The following MED13L variants were observed in gnomAD, a reference collection of about 807,000 sequenced individuals.
The protein encoded by MED13L is mediator of RNA polymerase II transcription subunit 13-like.
In MED13L, 7 loss-of-function variants were observed where a neutral mutation model predicts 220.9. That is an observed-to-expected ratio of 0.03 (90% confidence interval 0.02 to 0.06). The LOEUF is 0.06. Ranked by LOEUF, MED13L falls within the 10% of genes least tolerant of loss-of-function variation. MED13L has a pLI of 1.00. For synonymous variants in MED13L, 1,011 were observed against 1,015.2 expected (o/e 1.00, Z 0.08); for missense variants, 1,965 against 2,760.5 (o/e 0.71, Z 6.46).
chr12:116,015,783 A>C (rs1370834474), intron 7 of MED13L, among the ~76,000 whole-genome samples: 1 of 152,208 alleles, frequency 6.6e-6, no homozygotes, highest in Non-Finnish European at 1.5e-5. Flanking sequence ...GTAATGGCAC[A>C]AAGCTTTTAA....
At chr12:116,155,948 C>T (rs183899157) in intron 2 of MED13L, among the ~76,000 whole-genome samples, 5 of 151,972 alleles carry the variant, frequency 3.3e-5, no homozygotes, top group African/African-American at 1.2e-4. Context: ...TAGAAAATAT[C>T]ATTTCCATTA....
intron 2 of MED13L, among the ~76,000 whole-genome samples, chr12:116,175,989 T>G (rs1381264558): frequency 6.6e-6 from 1 of 152,142 alleles, no homozygotes; most frequent in Non-Finnish European, 1.5e-5. Flanking sequence ...TGGCTAGAGA[T>G]GGTATCAAAA....
chr12:116,155,759 TAAC>T (rs2138112249), intron 2 of MED13L, among the ~76,000 whole-genome samples: 1 of 152,286 alleles, frequency 6.6e-6, no homozygotes, highest in Non-Finnish European at 1.5e-5. Flanking sequence ...GTTAATATAT[TAAC>T]TATTCTTTGC....
At chr12:116,201,196 G>GACTT (rs1565925485) in intron 2 of MED13L, among the ~76,000 whole-genome samples, 4 of 152,092 alleles carry the variant, frequency 2.6e-5, no homozygotes, top group Admixed American at 2.6e-4. Context: ...TTTCTTTAAA[G>GACTT]TCCTCTATCC....
At chr12:116,145,008 C>T (rs1877360418) in intron 2 of MED13L, among the ~76,000 whole-genome samples, 1 of 152,202 alleles carries the variant, frequency 6.6e-6, no homozygotes, top group Admixed American at 6.5e-5. Context: ...TACGCACATA[C>T]TCTGTTGTCA....
intron 4 of MED13L, among the ~76,000 whole-genome samples, chr12:116,041,554 C>A (rs1003754198): frequency 1.4e-4 from 21 of 152,142 alleles, no homozygotes; most frequent in African/African-American, 5.1e-4. Flanking sequence ...TAAAGTAAAA[C>A]ATATGCAAGG....
intron 2 of MED13L, among the ~76,000 whole-genome samples, chr12:116,228,412 G>A (rs1869218459): frequency 6.6e-6 from 1 of 152,102 alleles, no homozygotes; most frequent in African/African-American, 2.4e-5. Context: ...GAACTCTTGG[G>A]CTCAAGTAAT....
chr12:115,995,746 G>C (rs1878358591), intron 16 of MED13L, among the ~76,000 whole-genome samples: 1 of 152,044 alleles, frequency 6.6e-6, no homozygotes, highest in Non-Finnish European at 1.5e-5. Context: ...AACATATTCA[G>C]AACACTTACA....
At chr12:116,078,073 G>A (rs1016773446) in intron 4 of MED13L, among the ~76,000 whole-genome samples, 2 of 149,146 alleles carry the variant, frequency 1.3e-5, no homozygotes, top group Non-Finnish European at 3.0e-5. Flanking sequence ...GAACCCGGGA[G>A]TCAGAGGTTG....
intron 4 of MED13L, among the ~76,000 whole-genome samples, chr12:116,071,649 A>G (rs1232023285): frequency 6.6e-6 from 1 of 152,226 alleles, no homozygotes; most frequent in Non-Finnish European, 1.5e-5. Flanking sequence ...AACCTCAAAC[A>G]ATATTTTCAT....
chr12:116,008,629 A>G lies in MED13L; in HGVS notation c.1784T>C (p.Leu595Pro), dbSNP rs750811062. 6.2e-7 allele frequency: 1 copy of G among 1,614,124 alleles called. No homozygotes were observed. The highest frequency in any genetic ancestry group is 1.7e-5 in the Admixed American group (1 of 60,014). ...GCCTACGAGGACAGTTCTGTCATCC[A>G]GAGTAGACAACTGCTGGAGTTCTAG... is the stretch of plus-strand genomic sequence containing the variant. ...NGLELQQLST[L>P]DDRTVLVGQR... is the part of the protein sequence containing the mutation. Residue 595 changes from leucine to proline, a missense_variant, in exon 10 of 31, where the codon CTG becomes CCG. By Grantham distance (98) the Leu-to-Pro change is moderately conservative. Transcript: ENST00000281928.
intron 4 of MED13L, among the ~76,000 whole-genome samples, chr12:116,027,794 A>C (rs1880492679): frequency 6.6e-6 from 1 of 152,224 alleles, no homozygotes. Flanking sequence ...GGTGAAATAA[A>C]AACCGCACTG....
At position 115,996,997 on chromosome 12, in the gene MED13L, T is replaced by G. The variant is rs1416014762; in HGVS notation, c.2790+13A>C. 1 of 1,604,470 alleles carries G rather than the reference T, an allele frequency of 6.2e-7. No individual in the cohort carries two copies. The highest frequency in any genetic ancestry group is 1.7e-5 in the Admixed American group (1 of 60,014). ...CTGCTCTGCCCTGGAAATGTTAATA[T>G]ATTGACAACTACCTTAATTTCCTCG... On this transcript the variant is annotated intron_variant, in intron 15 of 30. Transcript: ENST00000281928.
At chr12:116,160,551 TA>T (rs1565906028) in intron 2 of MED13L, among the ~76,000 whole-genome samples, 5 of 150,248 alleles carry the variant, frequency 3.3e-5, no homozygotes, top group Non-Finnish European at 7.4e-5. Flanking sequence ...CTCTGATCTG[TA>T]GGAAGAGGCT....
chr12:116,226,367 C>T (rs1223957344), intron 2 of MED13L, among the ~76,000 whole-genome samples: 1 of 152,104 alleles, frequency 6.6e-6, no homozygotes, highest in African/African-American at 2.4e-5. Flanking sequence ...ATTTTATCAA[C>T]GTCGGGTTTA....
At chr12:116,170,522 C>G (rs1879591965) in intron 2 of MED13L, among the ~76,000 whole-genome samples, 1 of 151,844 alleles carries the variant, frequency 6.6e-6, no homozygotes, top group Non-Finnish European at 1.5e-5. Context: ...TCATGTATAC[C>G]TGCCATTTTC....
intron 4 of MED13L, among the ~76,000 whole-genome samples, chr12:116,036,719 T>C (rs1426092459): frequency 6.6e-6 from 1 of 152,166 alleles, no homozygotes; most frequent in African/African-American, 2.4e-5. Flanking sequence ...TATAGATCCT[T>C]ATTTGGGAAT....
intron 2 of MED13L, among the ~76,000 whole-genome samples, chr12:116,207,257 T>G (rs1021196915): frequency 1.3e-5 from 2 of 151,746 alleles, no homozygotes; most frequent in Non-Finnish European, 2.9e-5. Context: ...TGCCTCACCC[T>G]CCCAAAATGC....
chr12:116,154,141 T>G (rs1440483414), intron 2 of MED13L, among the ~76,000 whole-genome samples: 1 of 152,194 alleles, frequency 6.6e-6, no homozygotes, highest in Non-Finnish European at 1.5e-5. Flanking sequence ...ATCCTCACAC[T>G]CAATGAAGCA....
Sources: gnomAD v4.1 joint callset for allele counts (sites outside exome capture counted in the v4.1 genomes callset) on GRCh38, gnomAD v4.1.1 for gene constraint, MANE v1.5 for transcripts, NCBI Gene and HGNC (gene_info 2026-07-23, HGNC 2026-07-21) for gene names.